The following AOPEP variants were observed in gnomAD, a reference collection of about 807,000 sequenced individuals.
AOPEP encodes the protein aminopeptidase O (putative).
In AOPEP, 77 loss-of-function variants were observed where a neutral mutation model predicts 98.1. The ratio of observed to expected loss-of-function variants is 0.78; its 90% CI spans 0.65 to 0.95. The LOEUF (loss-of-function observed/expected upper bound fraction) is 0.95. AOPEP is among the 40% of genes least tolerant of loss of function. The probability of loss-of-function intolerance (pLI) is 0.00; values close to 1 mark genes in which losing one functional copy is unlikely to be tolerated. For synonymous variants in AOPEP, 346 were observed against 365.3 expected (o/e 0.95, Z 0.60); for missense variants, 1,024 against 1,024.7 (o/e 1.00, Z 0.01).
At chr9:94,779,958 C>T (rs1450862263) in intron 3 of AOPEP, among the ~76,000 whole-genome samples, 2 of 152,176 alleles carry the variant, frequency 1.3e-5, no homozygotes, top group Non-Finnish European at 2.9e-5. Flanking sequence ...TTATCGCAGT[C>T]CTACACGTCC....
chr9:94,902,468 T>C (rs967232065), intron 5 of AOPEP, among the ~76,000 whole-genome samples: 1 of 152,178 alleles, frequency 6.6e-6, no homozygotes, highest in African/African-American at 2.4e-5. Context: ...GAATGTATTG[T>C]ATCCAAAAGA....
At chr9:95,025,072 A>G (rs1299638432) in intron 13 of AOPEP, among the ~76,000 whole-genome samples, 15 of 152,186 alleles carry the variant, frequency 9.9e-5, no homozygotes, top group Non-Finnish European at 1.9e-4. Flanking sequence ...TGGGATCTCA[A>G]TCAACTTAAA....
intron 5 of AOPEP, among the ~76,000 whole-genome samples, chr9:94,853,718 A>G (rs908990144): frequency 1.3e-5 from 2 of 152,244 alleles, no homozygotes; most frequent in Non-Finnish European, 2.9e-5. Context: ...TCTACTCCAC[A>G]CAGAGAAAAC....
At chr9:95,116,924 A>G in the AOPEP span, among the ~76,000 whole-genome samples, 3 of 152,202 alleles carry the variant, frequency 2.0e-5, no homozygotes, top group East Asian at 1.9e-4. Context: ...TTCTTCTGCA[A>G]CAAGGCTGCA....
chr9:94,957,666 A>C (rs912232065), intron 9 of AOPEP, among the ~76,000 whole-genome samples: 3 of 152,206 alleles, frequency 2.0e-5, no homozygotes, highest in African/African-American at 2.4e-5. Flanking sequence ...ATTTTAGTAC[A>C]TATTCACCAA....
chr9:95,126,657 G>C, the AOPEP span: 3 of 1,448,104 alleles, frequency 2.1e-6, no homozygotes, highest in African/African-American at 1.4e-5. Context: ...TCAGCCAAAG[G>C]AGTTACTGGG....
intron 5 of AOPEP, among the ~76,000 whole-genome samples, chr9:94,902,327 G>A (rs1026585312): frequency 1.3e-5 from 2 of 152,190 alleles, no homozygotes; most frequent in Non-Finnish European, 2.9e-5. Flanking sequence ...CCTCAGCTCA[G>A]CAAACTGAGC....
In AOPEP at chr9:94,760,397, A is replaced by G. The variant is rs1463680603; in HGVS notation, c.614A>G (p.Tyr205Cys). Residue 205 changes from tyrosine (Y) to cysteine (C), a missense_variant, in exon 2 of 17, where the codon TAT becomes TGT. Coordinates refer to ENST00000375315, the MANE Select transcript of AOPEP (RefSeq NM_001193329.3). ...AATCGTTGGAGGGAGCAGTTAGACTATTACGCTCGCTGCAGCCAGGCTCCT... is the reference window on the plus strand; with the variant it reads ...AATCGTTGGAGGGAGCAGTTAGACTGTTACGCTCGCTGCAGCCAGGCTCCT... ...PANRWREQLD[Y>C]YARCSQAPGC... 3.1e-6 allele frequency: 5 copies of G among 1,613,918 alleles called. No individual in the cohort carries two copies. The highest frequency in any genetic ancestry group is 1.3e-5 in the African/African-American group (1 of 74,898).
chr9:94,797,362 C>T (rs1266735148), intron 4 of AOPEP, among the ~76,000 whole-genome samples: 2 of 149,846 alleles, frequency 1.3e-5, no homozygotes, highest in African/African-American at 2.5e-5. Context: ...ACCAGGGAGT[C>T]GGAGGTTGCA....
At chr9:94,852,157 G>A (rs2043635224) in intron 5 of AOPEP, among the ~76,000 whole-genome samples, 1 of 152,162 alleles carries the variant, frequency 6.6e-6, no homozygotes, top group Non-Finnish European at 1.5e-5. Flanking sequence ...ATCTTAGGCA[G>A]TTATCCTCAT....
intron 4 of AOPEP, among the ~76,000 whole-genome samples, chr9:94,797,424 C>T (rs991633615): frequency 5.7e-5 from 8 of 141,470 alleles, no homozygotes; most frequent in Non-Finnish European, 1.1e-4. Flanking sequence ...AGCAAGACTC[C>T]GTCTCAAAAA....
chr9:95,033,327 C>G (rs991732761), intron 13 of AOPEP, among the ~76,000 whole-genome samples: 3 of 152,288 alleles, frequency 2.0e-5, no homozygotes, highest in African/African-American at 4.8e-5. Flanking sequence ...CCATGCTCCT[C>G]TCTTACCCCC....
chr9:94,879,095 G>A (rs1218024041), intron 5 of AOPEP, among the ~76,000 whole-genome samples: 1 of 152,182 alleles, frequency 6.6e-6, no homozygotes, highest in East Asian at 1.9e-4. Flanking sequence ...TCCAGGGTCT[G>A]CAAAATATCT....
At chr9:94,852,856 C>T (rs915519515) in intron 5 of AOPEP, among the ~76,000 whole-genome samples, 4 of 152,162 alleles carry the variant, frequency 2.6e-5, no homozygotes, top group Admixed American at 1.3e-4. Flanking sequence ...CAGCTGAGTG[C>T]AGTTCACCTC....
chr9:94,963,230 A>G (rs2058974566), intron 9 of AOPEP, among the ~76,000 whole-genome samples: 1 of 152,098 alleles, frequency 6.6e-6, no homozygotes, highest in African/African-American at 2.4e-5. Context: ...AAAATACTCG[A>G]CAGAAATTGC....
At chr9:94,838,677 A>G (rs926805640) in intron 5 of AOPEP, among the ~76,000 whole-genome samples, 1 of 152,244 alleles carries the variant, frequency 6.6e-6, no homozygotes, top group African/African-American at 2.4e-5. Flanking sequence ...AAATTTGGAA[A>G]GAGTTGACAT....
downstream of AOPEP, among the ~76,000 whole-genome samples, chr9:95,089,500 T>C (rs2070837059): frequency 6.6e-6 from 1 of 152,186 alleles, no homozygotes. Context: ...TGAACGCAGG[T>C]CCACATGGCT....
At chr9:94,858,940 A>G (rs2044583774) in intron 5 of AOPEP, among the ~76,000 whole-genome samples, 1 of 151,128 alleles carries the variant, frequency 6.6e-6, no homozygotes, top group South Asian at 2.1e-4. Context: ...AGGCAGGAGA[A>G]TGGTGTGAAC....
the AOPEP span, chr9:95,135,586 T>A: frequency 7.0e-6 from 8 of 1,143,668 alleles, no homozygotes; most frequent in Non-Finnish European, 1.0e-5. Flanking sequence ...ATGCAATCAC[T>A]AATCCAATTT....
Sources: allele counts gnomAD v4.1 joint callset (sites outside exome capture counted in the v4.1 genomes callset), GRCh38; gene constraint gnomAD v4.1.1; transcripts MANE v1.5; gene names NCBI Gene and HGNC (gene_info 2026-07-23, HGNC 2026-07-21).